TLE3: variants seen among roughly 807,000 people sequenced by gnomAD.
TLE3 encodes the protein TLE family member 3, transcriptional corepressor.
TLE3 carries 14 observed loss-of-function variants against 93.0 expected under a neutral mutation model. That is an observed-to-expected ratio of 0.15 (90% CI 0.10 to 0.24). TLE3 has a LOEUF of 0.24. Among genes scored for constraint, TLE3 ranks in the 10% least tolerant of loss-of-function variants. TLE3 has a pLI of 1.00. For synonymous variants in TLE3, 451 were observed against 425.0 expected (o/e 1.06, Z -0.75); for missense variants, 693 against 1,046.6 (o/e 0.66, Z 4.66).
intron 4 of TLE3, among the ~76,000 whole-genome samples, chr15:70,087,857 GA>G (rs2058102716): frequency 6.6e-6 from 1 of 152,232 alleles, no homozygotes; most frequent in East Asian, 1.9e-4. Context: ...GTGAAGGGGA[GA>G]AAAGTATTTG....
chr15:70,075,989 A>T, intron 5 of TLE3, 107 bp downstream of exon 5: 1 of 1,036,082 alleles, frequency 9.7e-7, no homozygotes, highest in Non-Finnish European at 1.5e-6. Context: ...ATGAATGGAC[A>T]GGGGCTGAGG....
chr15:70,060,711 C>T (rs79615108), intron 8 of TLE3, 62 bp from the exon 9 acceptor site: 39,280 of 1,595,244 alleles, frequency 0.025, 1,654 homozygotes, highest in East Asian at 0.21. Context: ...TTCACACATC[C>T]GCACACAGCT....
At position 70,096,156 on chromosome 15, in the gene TLE3, C is replaced by T. The variant is rs2058549805; in HGVS notation, c.125+5G>A. 1 of 1,552,652 alleles carries T rather than the reference C, an allele frequency of 6.4e-7. No homozygotes were observed. The highest frequency in any genetic ancestry group is 8.7e-7 in the Non-Finnish European group (1 of 1,147,740). On this transcript the variant is annotated splice_donor_5th_base_variant and intron_variant, in intron 2 of 19. Coordinates refer to ENST00000451782, the MANE Select transcript of TLE3 (RefSeq NM_001105192.3). Reference sequence around the variant, plus strand: ...CAGCCCCGGGGCGGCCCCCACCGGCCTTACCTGTGATACTGAGCTTGCAGG... The same window carrying T: ...CAGCCCCGGGGCGGCCCCCACCGGCTTTACCTGTGATACTGAGCTTGCAGG...
At chr15:70,095,490 A>T in intron 3 of TLE3, 88 bp downstream of exon 3, 1 of 1,546,688 alleles carries the variant, frequency 6.5e-7, no homozygotes, top group South Asian at 1.2e-5. Context: ...GGTGGTGGGG[A>T]CCTGGCGCTC....
intron 6 of TLE3, among the ~76,000 whole-genome samples, chr15:70,072,862 C>T (rs1306030198): frequency 2.0e-5 from 3 of 152,184 alleles, no homozygotes; most frequent in South Asian, 2.1e-4. Context: ...TGACGATCCC[C>T]GGGCTAGATG....
At position 70,055,215 on chromosome 15, in the gene TLE3, G is replaced by A. The variant is rs1307260553; in HGVS notation, c.1412C>T (p.Pro471Leu). ...TGTGTTGATCTGCCGGGCGTGCCTC[G>A]GGATGCCGGGGCCTGCCAGGGCGTC... ...PHDALAGPGI[P>L]RHARQINTLS... Residue 471 changes from proline (P) to leucine (L), a missense_variant, in exon 15 of 20, where the codon CCG (proline) becomes CTG (leucine). This residue lies in a region of TLE3 where 405 missense variants were observed against 468.9 expected (regional missense o/e 0.86). Transcript: ENST00000451782. 3 of 1,613,604 alleles carry A rather than the reference G, an allele frequency of 1.9e-6. No individual in the cohort carries two copies. Among genetic ancestry groups the A allele is most frequent in the Non-Finnish European group, 2.5e-6 (3 of 1,179,854 alleles).
intron 17 of TLE3, 117 bp downstream of exon 17, chr15:70,053,109 CA>C: frequency 1.5e-6 from 2 of 1,368,550 alleles, no homozygotes; most frequent in Non-Finnish European, 2.0e-6. Flanking sequence ...AGGTTGGTCC[CA>C]AGTCTCTTGG....
At chr15:70,089,539 G>A (rs752531630) in intron 4 of TLE3, among the ~76,000 whole-genome samples, 1 of 152,186 alleles carries the variant, frequency 6.6e-6, no homozygotes, top group Non-Finnish European at 1.5e-5. Flanking sequence ...AGGGCTCAGG[G>A]AATCGGAACT....
intron 6 of TLE3, among the ~76,000 whole-genome samples, chr15:70,070,198 C>T (rs926724727): frequency 2.6e-5 from 4 of 152,206 alleles, no homozygotes; most frequent in Non-Finnish European, 5.9e-5. Context: ...CATTTCCTGC[C>T]AGAGCACAAA....
chr15:70,060,632 G>C lies in TLE3; in HGVS notation c.612C>G (p.Pro204=). 4.3e-6 allele frequency: 7 copies of C among 1,613,962 alleles called. No individual in the cohort carries two copies. The highest frequency in any genetic ancestry group is 5.1e-6 in the Non-Finnish European group (6 of 1,179,858). Residue 204 remains proline, a synonymous_variant, in exon 9 of 20, where the codon CCC becomes CCG. Coordinates refer to ENST00000451782, the MANE Select transcript of TLE3 (RefSeq NM_001105192.3). ...RESSANNSVS[P]SESLRASEKH... ...TCTCACTGGCCCGGAGGCTTTCCGA[G>C]GGTGACACAGAGTTATTCTGGAAGG...
At chr15:70,065,969 G>GCCCCCCCCCGGCCCCCCC in intron 7 of TLE3, 45 bp downstream of exon 7, 6 of 1,294,400 alleles carry the variant, frequency 4.6e-6, no homozygotes, top group Non-Finnish European at 6.7e-6. Context: ...GAGCGCCCAT[G>GCCCCCCCCCGGCCCCCCC]CCCACCCCTG....
chr15:70,055,296 G>A lies in TLE3; in HGVS notation c.1331C>T (p.Ala444Val). ...SLASIPGGKP[A>V]YSFHVSADGQ... ...ATCAGCACTCACATGGAATGAGTAC[G>A]CTCTGAAAAGGTGAGAAACCGTCAC... The change falls in exon 15 of 20, where the codon GCG becomes GTG. Residue 444 changes from alanine to valine, a missense_variant and splice_region_variant. Physicochemically the swap from Ala to Val is moderately conservative, Grantham distance 64. Coordinates refer to ENST00000451782, the MANE Select transcript of TLE3 (RefSeq NM_001105192.3). 3.2e-6 allele frequency: 5 copies of A among 1,568,258 alleles called. No individual in the cohort carries two copies. Among genetic ancestry groups the A allele is most frequent in the South Asian group, 2.4e-5 (2 of 84,632 alleles).
chr15:70,064,037 A>G (rs1484616100), intron 8 of TLE3, among the ~76,000 whole-genome samples: 3 of 152,234 alleles, frequency 2.0e-5, no homozygotes, highest in Non-Finnish European at 2.9e-5. Context: ...TGGAAGATCC[A>G]GGGCTGGTCA....
intron 14 of TLE3, 136 bp downstream of exon 14, chr15:70,056,162 G>A: frequency 1.0e-6 from 1 of 971,586 alleles, no homozygotes; most frequent in Non-Finnish European, 1.6e-6. Flanking sequence ...CCTCTAGAGG[G>A]ACAGATACCT....
chr15:70,071,481 G>T (rs908012230), intron 6 of TLE3, among the ~76,000 whole-genome samples: 1 of 151,964 alleles, frequency 6.6e-6, no homozygotes, highest in Non-Finnish European at 1.5e-5. Context: ...AAGACCCCAG[G>T]AATACTCTAA....
Position 70,048,989 on chromosome 15 carries a change from T to C in TLE3, c.*1108A>G, listed in dbSNP as rs1392362592. On this transcript the variant is annotated 3_prime_UTR_variant, in exon 20 of 20. Coordinates refer to ENST00000451782, the MANE Select transcript of TLE3 (RefSeq NM_001105192.3). ...TATAAAAGGACATCACTTCTAATTC[T>C]TTTTATTCAAATTAAAAAAAAAAAA... 8 of 151,500 alleles carry C rather than the reference T, an allele frequency of 5.3e-5. No homozygotes were observed. Among genetic ancestry groups the C allele is most frequent in the Non-Finnish European group, 1.0e-4 (7 of 67,862 alleles). The allele number at this position is 151,500 out of a possible 1,614,324, so 9.4% of individuals were successfully genotyped here. A position where few individuals can be genotyped will look rare whatever the true frequency, so the allele number is the denominator to read the frequency against.
At chr15:70,070,539 G>A (rs761408040) in intron 6 of TLE3, among the ~76,000 whole-genome samples, 9 of 152,142 alleles carry the variant, frequency 5.9e-5, no homozygotes, top group African/African-American at 9.7e-5. Flanking sequence ...CCAGGCCTCC[G>A]ACTGCTCCTT....
chr15:70,096,021 G>A (rs2058540380), intron 2 of TLE3, 140 bp downstream of exon 2: 13 of 1,029,318 alleles, frequency 1.3e-5, no homozygotes, highest in Non-Finnish European at 1.8e-5. Context: ...CGCTCGGAAA[G>A]GGGAAACAAA....
chr15:70,049,372 G>A lies in TLE3; in HGVS notation c.*725C>T, dbSNP rs2055322119. On this transcript the variant is annotated 3_prime_UTR_variant, in exon 20 of 20. Coordinates refer to ENST00000451782, the MANE Select transcript of TLE3 (RefSeq NM_001105192.3). ...GGCTGGTTATCAGTCCGGATGCCCAGACCCGTGTGGAGGCACACGCATTCC... is the reference window on the plus strand; with the variant it reads ...GGCTGGTTATCAGTCCGGATGCCCAAACCCGTGTGGAGGCACACGCATTCC... 6.6e-6 allele frequency: 1 copy of A among 152,364 alleles called. No homozygotes were observed. The highest frequency in any genetic ancestry group is 2.4e-5 in the African/African-American group (1 of 41,584). 9.4% of individuals were successfully genotyped at this position (152,364 alleles called of 1,614,324 possible).
Sources: gnomAD v4.1 joint callset for allele counts (sites outside exome capture counted in the v4.1 genomes callset) on GRCh38, gnomAD v4.1.1 for gene constraint, gnomAD v4.1.1 regional missense constraint, MANE v1.5 for transcripts, NCBI Gene and HGNC (gene_info 2026-07-23, HGNC 2026-07-21) for gene names.